PI4KA: variants seen among roughly 807,000 people sequenced by gnomAD.
PI4KA encodes phosphatidylinositol 4-kinase alpha.
A neutral mutation model predicts 271.4 loss-of-function variants in PI4KA; 122 were observed. The ratio of observed to expected loss-of-function variants is 0.45; its 90% confidence interval spans 0.39 to 0.52. The LOEUF (loss-of-function observed/expected upper bound fraction) is 0.52. Among genes scored for constraint, PI4KA ranks in the 20% least tolerant of loss-of-function variants. The pLI, the probability that PI4KA is intolerant of heterozygous loss-of-function variation, is 0.00. For synonymous variants in PI4KA, 1,041 were observed against 1,078.8 expected, an observed-to-expected ratio of 0.96 and a Z score of 0.69; for missense variants, 1,969 against 2,769.1, an observed-to-expected ratio of 0.71 and a Z score of 6.48.
At position 20,796,267 on chromosome 22, in the gene PI4KA, T is replaced by C. The variant is rs773817302; in HGVS notation, c.2156A>G (p.Asn719Ser). 6.2e-7 allele frequency: 1 copy of C among 1,614,112 alleles called. No individual in the cohort carries two copies. The highest frequency in any genetic ancestry group is 1.1e-5 in the South Asian group (1 of 91,060). ...VINALANIAANIQDEHLVDEL... is the reference protein window; with the variant it reads ...VINALANIAASIQDEHLVDEL... ...ATCCACCAGGTGCTCGTCTTGGATG[T>C]TGGCCGCGATGTTGGCCAGGGCATT... The change falls in exon 18 of 55, where the codon AAC becomes AGC. Residue 719 changes from asparagine (N) to serine (S), a missense_variant. Around this residue, in one of 13 missense-constraint regions of PI4KA, gnomAD observed 368 missense variants for 544.3 expected, o/e 0.68. Transcript: ENST00000255882.
At position 20,710,832 on chromosome 22, in the gene PI4KA, G is replaced by T. The variant is rs764672506; in HGVS notation, c.5950C>A (p.Pro1984Thr). 6.2e-7 allele frequency: 1 copy of T among 1,612,392 alleles called. No individual in the cohort carries two copies. The highest frequency in any genetic ancestry group is 1.3e-5 in the African/African-American group (1 of 74,808). ...IDFGFMFESS[P>T]GGNLGWEPDI... ...GGTTCCCAGCCGAGATTGCCGCCCG[G>T]CGAGCTTTCAAACATGAAGCCAAAG... is the stretch of plus-strand genomic sequence containing the variant. Residue 1984 changes from proline (P) to threonine (T), a missense_variant, in exon 52 of 55, where the codon CCG becomes ACG. Physicochemically the swap from Pro to Thr is conservative, Grantham distance 38 (BLOSUM62 -1). This residue lies in a region of PI4KA where 110 missense variants were observed against 349.8 expected (regional missense o/e 0.31). Coordinates refer to ENST00000255882, the MANE Select transcript of PI4KA (RefSeq NM_058004.4).
At chr22:20,744,107 G>A (rs1929783394) in intron 30 of PI4KA, among the ~76,000 whole-genome samples, 1 of 152,126 alleles carries the variant, frequency 6.6e-6, no homozygotes, top group Non-Finnish European at 1.5e-5. Flanking sequence ...ATTAGCTTCT[G>A]AGTTTATGGA....
intron 6 of PI4KA, among the ~76,000 whole-genome samples, 161 bp from the exon 7 acceptor site, chr22:20,818,710 A>G (rs1476930878): frequency 6.6e-6 from 1 of 152,164 alleles, no homozygotes; most frequent in East Asian, 1.9e-4. Context: ...AGCATTCTCT[A>G]CTACATGCTA....
intron 19 of PI4KA, chr22:20,786,772 T>G: frequency 8.6e-7 from 1 of 1,166,050 alleles, no homozygotes. Context: ...CCACCTTACA[T>G]GTTGTCTTTG....
At position 20,858,674 on chromosome 22, in the gene PI4KA, C is replaced by A. The variant is rs1430327873; in HGVS notation, c.52G>T (p.Gly18Cys). ...GGGGGGGGGG[G>C]CSGSGSSASR... ...GCGCTGGAGCCGGAGCCGGAGCAGC[C>A]GCCGCCGCCTCCGCCTCCGCCTCCG... The change falls in exon 1 of 55, where the codon GGC becomes TGC. Residue 18 changes from glycine (G) to cysteine (C), a missense_variant. Physicochemically the swap from Gly to Cys is radical, Grantham distance 159 (BLOSUM62 -3). Coordinates refer to ENST00000255882, the MANE Select transcript of PI4KA (RefSeq NM_058004.4). The A allele has an allele frequency of 2.0e-6, 3 of 1,468,280 alleles. No homozygotes were observed. The highest frequency in any genetic ancestry group is 3.1e-5 in the African/African-American group (2 of 65,280). The allele number at this position is 1,468,280 out of a possible 1,614,324, so 91.0% of individuals were successfully genotyped here.
At chr22:20,799,619 G>T in intron 15 of PI4KA, 52 bp downstream of exon 15, 1 of 1,297,924 alleles carries the variant, frequency 7.7e-7, no homozygotes, top group Non-Finnish European at 1.1e-6. Context: ...TGCCCCACAC[G>T]AGCCTGCTGA....
In PI4KA at chr22:20,734,406, T is replaced by C; in HGVS notation, c.3889A>G (p.Ile1297Val). The C allele has an allele frequency of 1.3e-6, 2 of 1,587,586 alleles. No individual in the cohort carries two copies. Among genetic ancestry groups the C allele is most frequent in the Non-Finnish European group, 1.7e-6 (2 of 1,157,988 alleles). Reference sequence around the variant, plus strand: ...GAACAGGCACGTACGTCGATCCAGATGTAGTGGGGGGTCACTTCGGGGGGA... The same window carrying C: ...GAACAGGCACGTACGTCGATCCAGACGTAGTGGGGGGTCACTTCGGGGGGA... ...PCPPEVTPHY[I>V]WIDFLVQRFE... Residue 1297 changes from isoleucine to valine, a missense_variant, in exon 33 of 55, where the codon ATC (isoleucine) becomes GTC (valine). Ile to Val is a conservative substitution (Grantham distance 29). Coordinates refer to ENST00000255882, the MANE Select transcript of PI4KA (RefSeq NM_058004.4).
chr22:20,751,617 G>C, intron 26 of PI4KA, 57 bp downstream of exon 26: 1 of 1,397,816 alleles, frequency 7.2e-7, no homozygotes, highest in Non-Finnish European at 1.0e-6. Flanking sequence ...GACAGGGCCG[G>C]CGGGGTGGTG....
At chr22:20,820,325 A>G (rs1922475466) in intron 5 of PI4KA, among the ~76,000 whole-genome samples, 1 of 152,188 alleles carries the variant, frequency 6.6e-6, no homozygotes, top group Non-Finnish European at 1.5e-5. Flanking sequence ...GGGTGAAGTT[A>G]CTTGTCCAAG....
chr22:20,834,781 A>T (rs1950966025), intron 2 of PI4KA, 126 bp from the exon 3 acceptor site: 3 of 641,936 alleles, frequency 4.7e-6, no homozygotes, highest in Admixed American at 5.1e-5. Flanking sequence ...TTCTCCAGGG[A>T]TAATGTAAAG....
In PI4KA at chr22:20,802,109, A is replaced by C; in HGVS notation, c.1592-4T>G. The C allele has an allele frequency of 6.2e-7, 1 of 1,613,482 alleles. No homozygotes were observed. Among genetic ancestry groups the C allele is most frequent in the Non-Finnish European group, 8.5e-7 (1 of 1,179,698 alleles). ...ATTTTTATATCATTGCCAGCAACTG[A>C]AAGTAAAAAATTCAAATATATACCT... On this transcript the variant is annotated splice_region_variant and splice_polypyrimidine_tract_variant and intron_variant, in intron 13 of 54. Transcript: ENST00000255882.
At chr22:20,737,390 G>A (rs1601369841) in intron 32 of PI4KA, among the ~76,000 whole-genome samples, 3 of 152,260 alleles carry the variant, frequency 2.0e-5, no homozygotes, top group African/African-American at 7.2e-5. Flanking sequence ...GCCTGCTAGT[G>A]ATATCTGTAC....
intron 19 of PI4KA, among the ~76,000 whole-genome samples, chr22:20,768,586 G>T (rs946069098): frequency 6.6e-6 from 1 of 152,058 alleles, no homozygotes; most frequent in Admixed American, 6.6e-5. Context: ...ATATTTCCTG[G>T]AGCTCTTCCA....
intron 4 of PI4KA, among the ~76,000 whole-genome samples, chr22:20,821,775 G>C (rs1195929838): frequency 6.6e-6 from 1 of 151,694 alleles, no homozygotes; most frequent in Non-Finnish European, 1.5e-5. Flanking sequence ...ATTTTTAGTA[G>C]AGACGGGGTT....
chr22:20,727,807 C>T lies in PI4KA; in HGVS notation c.4740G>A (p.Pro1580=), dbSNP rs777814861. The part of the protein sequence containing the change: ...NEVTRLVRLD[P]GAVSDVPEAI... ...CTTCAGGCACATCACTAACGGCTCC[C>T]GGGTCCAACCGAACGAGACGGGTCA... Residue 1580 remains proline, a synonymous_variant, in exon 40 of 55, where the codon CCG becomes CCA. Coordinates refer to ENST00000255882, the MANE Select transcript of PI4KA (RefSeq NM_058004.4). The T allele has an allele frequency of 1.1e-5, 17 of 1,613,950 alleles. No homozygotes were observed. The highest frequency in any genetic ancestry group is 5.0e-5 in the Admixed American group (3 of 59,992).
At chr22:20,722,993 C>T (rs999364745) in intron 42 of PI4KA, among the ~76,000 whole-genome samples, 1 of 143,454 alleles carries the variant, frequency 7.0e-6, no homozygotes, top group Non-Finnish European at 1.5e-5. Context: ...ATCCTGATCT[C>T]TCCCTCTTTG....
intron 8 of PI4KA, among the ~76,000 whole-genome samples, chr22:20,811,521 A>C (rs925121501): frequency 2.0e-5 from 3 of 149,694 alleles, no homozygotes; most frequent in African/African-American, 7.4e-5. Context: ...CTCATATTTT[A>C]AATTTTCAAT....
In PI4KA at chr22:20,727,787, G is replaced by A; in HGVS notation, c.4760C>T (p.Pro1587Leu). 2.5e-6 allele frequency: 4 copies of A among 1,613,734 alleles called. No homozygotes were observed. Among genetic ancestry groups the A allele is most frequent in the Non-Finnish European group, 3.4e-6 (4 of 1,179,656 alleles). The change falls in exon 40 of 55, where the codon CCT becomes CTT. Residue 1587 changes from proline (P) to leucine (L), a missense_variant. Pro to Leu is a moderately conservative substitution (Grantham distance 98, BLOSUM62 -3). Around this residue, in one of 13 missense-constraint regions of PI4KA, gnomAD observed 388 missense variants for 521.5 expected, o/e 0.74. Coordinates refer to ENST00000255882, the MANE Select transcript of PI4KA (RefSeq NM_058004.4). ...RLDPGAVSDV[P>L]EAIKFLVTWH... is the part of the protein sequence containing the mutation. ...GGGCTACACTACCTTGATTGCTTCA[G>A]GCACATCACTAACGGCTCCCGGGTC...
intron 18 of PI4KA, among the ~76,000 whole-genome samples, chr22:20,795,610 G>C (rs1371556087): frequency 6.6e-6 from 1 of 152,172 alleles, no homozygotes. Flanking sequence ...AGAGCGACTA[G>C]TGCCCACGTG....
Sources: gnomAD v4.1 joint callset for allele counts (sites outside exome capture counted in the v4.1 genomes callset) on GRCh38, gnomAD v4.1.1 for gene constraint, gnomAD v4.1.1 regional missense constraint, MANE v1.5 for transcripts, NCBI Gene and HGNC (gene_info 2026-07-23, HGNC 2026-07-21) for gene names.